The following FOXP1 variants were observed in gnomAD, a reference collection of about 807,000 sequenced individuals.
FOXP1 encodes forkhead box P1.
A neutral mutation model predicts 98.2 loss-of-function variants in FOXP1; 15 were observed. The ratio of observed to expected loss-of-function variants is 0.15; its 90% CI spans 0.10 to 0.24. The LOEUF (loss-of-function observed/expected upper bound fraction) is 0.24, where lower values mean the gene tolerates loss of function less well. Ranked by LOEUF, FOXP1 falls within the 10% of genes least tolerant of loss-of-function variation. FOXP1 has a pLI of 1.00. For synonymous variants in FOXP1, 371 were observed against 314.5 expected, an observed-to-expected ratio of 1.18 and a Z score of -1.90; for missense variants, 633 against 848.5, an observed-to-expected ratio of 0.75 and a Z score of 3.15.
intron 5 of FOXP1, among the ~76,000 whole-genome samples, chr3:71,260,824 G>A (rs1489119149): frequency 2.0e-5 from 3 of 152,078 alleles, no homozygotes; most frequent in Non-Finnish European, 2.9e-5. Flanking sequence ...TTACAGGCAT[G>A]AGCCCCCACG....
chr3:71,181,637 A>G (rs2074073105), intron 6 of FOXP1, among the ~76,000 whole-genome samples: 1 of 152,216 alleles, frequency 6.6e-6, no homozygotes, highest in Admixed American at 6.5e-5. Flanking sequence ...AAATGGGGTA[A>G]GCAACGAAGT....
At chr3:70,986,792 G>A (rs2039816280) in intron 14 of FOXP1, among the ~76,000 whole-genome samples, 1 of 152,120 alleles carries the variant, frequency 6.6e-6, no homozygotes, top group Non-Finnish European at 1.5e-5. Flanking sequence ...TGGTAAAAAT[G>A]GATGCACGAA....
intron 2 of FOXP1, among the ~76,000 whole-genome samples, chr3:71,541,039 G>A (rs1475506982): frequency 6.6e-6 from 1 of 152,324 alleles, no homozygotes; most frequent in East Asian, 1.9e-4. Context: ...TGCTGGCTTT[G>A]AGTCCTGAAT....
chr3:70,958,975 G>C lies in FOXP1; in HGVS notation c.*272C>G, dbSNP rs1050154870. 4.4e-6 allele frequency: 2 copies of C among 456,092 alleles called. No homozygotes were observed. The highest frequency in any genetic ancestry group is 3.9e-5 in the African/African-American group (2 of 51,248). 28.3% of individuals were successfully genotyped at this position (456,092 alleles called of 1,614,324 possible). On this transcript the variant is annotated 3_prime_UTR_variant, in exon 21 of 21. Coordinates refer to ENST00000649528, the MANE Select transcript of FOXP1 (RefSeq NM_001349338.3). The stretch of plus-strand genomic sequence containing the variant: ...CAAATTTACAACACTGATGTTGACG[G>C]TTAAGAGAGGAAAATCCCAAGTACC...
At chr3:71,249,453 C>CA (rs2068016481) in intron 5 of FOXP1, among the ~76,000 whole-genome samples, 1 of 152,218 alleles carries the variant, frequency 6.6e-6, no homozygotes, top group South Asian at 2.1e-4. Flanking sequence ...AATTGCCTTG[C>CA]AAAATGCAGG....
chr3:71,064,943 C>G, intron 7 of FOXP1: 1 of 263,414 alleles, frequency 3.8e-6, no homozygotes, highest in Non-Finnish European at 5.8e-6. Flanking sequence ...AGGGGCGCTC[C>G]GGCTCGCGGG....
At chr3:71,007,869 G>T (rs1040829293) in intron 12 of FOXP1, among the ~76,000 whole-genome samples, 1 of 152,168 alleles carries the variant, frequency 6.6e-6, no homozygotes, top group Non-Finnish European at 1.5e-5. Context: ...AAGGGTCAAA[G>T]TTCCATTTCT....
chr3:71,254,850 T>C (rs1435656148), intron 5 of FOXP1, among the ~76,000 whole-genome samples: 1 of 152,134 alleles, frequency 6.6e-6, no homozygotes, highest in Admixed American at 6.5e-5. Flanking sequence ...CCATATCTTA[T>C]ATGGAGAAAG....
At chr3:71,284,525 C>T (rs564224346) in intron 5 of FOXP1, among the ~76,000 whole-genome samples, 1 of 152,226 alleles carries the variant, frequency 6.6e-6, no homozygotes, top group South Asian at 2.1e-4. Context: ...ATCATCACTA[C>T]AATCCAGCCT....
chr3:71,121,089 G>A lies in FOXP1; in HGVS notation c.181-8452C>T, dbSNP rs183255489. On this transcript the variant is annotated intron_variant, in intron 6 of 20. Coordinates refer to ENST00000649528, the MANE Select transcript of FOXP1 (RefSeq NM_001349338.3). The stretch of plus-strand genomic sequence containing the variant: ...ACTGGGACTAAAGAGAAAAAATTAC[G>A]CAAATGTTTTCCTGCACCACGTCAT... Among the ~76,000 whole-genome samples the A allele has an allele frequency of 9.1e-4, 134 of 147,456 alleles. 2 individuals carry two copies. The highest frequency in any genetic ancestry group is 8.8e-3 in the Admixed American group (129 of 14,728).
chr3:71,106,174 A>G (rs1193163974), intron 7 of FOXP1, among the ~76,000 whole-genome samples: 1 of 152,232 alleles, frequency 6.6e-6, no homozygotes, highest in Non-Finnish European at 1.5e-5. Context: ...GTAGCTAAGG[A>G]GCTGGCCCAC....
rs759695926 is a variant in FOXP1, at chr3:70,957,562, G to A, written c.*1685C>T. ...AAAGAAAGAATATAAATTAAGCTTC[G>A]AAAGGCTCTCGAACTAAAAAAAACT... On this transcript the variant is annotated 3_prime_UTR_variant, in exon 21 of 21. Coordinates refer to ENST00000649528, the MANE Select transcript of FOXP1 (RefSeq NM_001349338.3). 2.5e-4 allele frequency: 57 copies of A among 231,794 alleles called. No individual in the cohort carries two copies. The highest frequency in any genetic ancestry group is 1.3e-3 in the Middle Eastern group (1 of 778). The allele number at this position is 231,794 out of a possible 1,614,324, so 14.4% of individuals were successfully genotyped here.
intron 7 of FOXP1, among the ~76,000 whole-genome samples, chr3:71,067,768 A>G (rs565728420): frequency 6.6e-5 from 10 of 151,706 alleles, no homozygotes; most frequent in African/African-American, 2.4e-4. Flanking sequence ...ACACACAATT[A>G]GCCACGTGTG....
chr3:71,144,312 G>C (rs1015668992), intron 6 of FOXP1, among the ~76,000 whole-genome samples: 1 of 152,192 alleles, frequency 6.6e-6, no homozygotes, highest in Non-Finnish European at 1.5e-5. Context: ...GCTGGAGAAT[G>C]AGCAGTGGAA....
intron 6 of FOXP1, among the ~76,000 whole-genome samples, chr3:71,148,624 T>C (rs1437278804): frequency 6.6e-6 from 1 of 152,226 alleles, no homozygotes; most frequent in Non-Finnish European, 1.5e-5. Flanking sequence ...TCCTTTGACA[T>C]ATACTTATTG....
chr3:71,449,408 T>C (rs570993115), intron 3 of FOXP1, among the ~76,000 whole-genome samples: 5 of 152,262 alleles, frequency 3.3e-5, no homozygotes, highest in African/African-American at 1.2e-4. Flanking sequence ...CATGCATTTG[T>C]GTGTGTGTGG....
intron 12 of FOXP1, among the ~76,000 whole-genome samples, chr3:71,009,806 T>A (rs1046094183): frequency 2.0e-5 from 3 of 152,060 alleles, no homozygotes; most frequent in Admixed American, 1.3e-4. Context: ...TACAGTACAG[T>A]GGCATTATCA....
intron 2 of FOXP1, among the ~76,000 whole-genome samples, chr3:71,509,239 T>C (rs895049791): frequency 6.6e-6 from 1 of 152,200 alleles, no homozygotes; most frequent in Non-Finnish European, 1.5e-5. Flanking sequence ...AGAGACTGGG[T>C]GGCTTGAACC....
chr3:71,424,811 G>A (rs1218553243), intron 3 of FOXP1, among the ~76,000 whole-genome samples: 1 of 152,158 alleles, frequency 6.6e-6, no homozygotes, highest in Non-Finnish European at 1.5e-5. Flanking sequence ...CACAGCCCTG[G>A]CCTTCAAGAA....
Sources: allele counts gnomAD v4.1 joint callset (sites outside exome capture counted in the v4.1 genomes callset), GRCh38; gene constraint gnomAD v4.1.1; transcripts MANE v1.5; gene names NCBI Gene and HGNC (gene_info 2026-07-23, HGNC 2026-07-21).